Variants in ARHGAP45 observed in about 807,000 individuals in gnomAD.
The protein encoded by ARHGAP45 is rho GTPase-activating protein 45.
Under a neutral mutation model 116.1 loss-of-function variants are expected in ARHGAP45, and 56 were observed. The observed-to-expected ratio is 0.48, with a 90% CI of 0.39 to 0.60. The LOEUF (loss-of-function observed/expected upper bound fraction) is 0.60. ARHGAP45 is among the 20% of genes least tolerant of loss of function. The probability of loss-of-function intolerance (pLI) is 0.00; values close to 1 mark genes in which losing one functional copy is unlikely to be tolerated. For synonymous variants in ARHGAP45, 866 were observed against 701.7 expected (o/e 1.23, Z -3.70); for missense variants, 1,622 against 1,601.0 (o/e 1.01, Z -0.22).
chr19:1,073,447 G>A, intron 3 of ARHGAP45, 59 bp from the exon 4 acceptor site: 2 of 1,583,310 alleles, frequency 1.3e-6, no homozygotes, highest in Non-Finnish European at 1.7e-6. Flanking sequence ...GTCAGTTCTT[G>A]CAGGGATGGT....
At chr19:1,067,152 C>T (rs2144998420), upstream of ARHGAP45, 3 of 1,206,534 alleles carry the variant, frequency 2.5e-6, no homozygotes, top group African/African-American at 1.6e-5. Flanking sequence ...GGCCTGCGAC[C>T]TCACCTTCGC....
Position 1,069,390 on chromosome 19 carries a change from G to A in ARHGAP45, c.421+646G>A, listed in dbSNP as rs1599749595. Reference sequence around the variant, plus strand: ...TTCCTGTTTGTCCCTGGCAGCCCAGGCGGGCACCTCATGTGCTGCCTTCAG... The same window carrying A: ...TTCCTGTTTGTCCCTGGCAGCCCAGACGGGCACCTCATGTGCTGCCTTCAG... On this transcript the variant is annotated intron_variant, in intron 2 of 22. Coordinates refer to ENST00000313093, the MANE Select transcript of ARHGAP45 (RefSeq NM_012292.5). This position sits in a 1 kb window ranked among gnomAD's most constrained non-coding sequence, Gnocchi z 4.1. 6.6e-6 allele frequency among the ~76,000 whole-genome samples: 1 copy of A among 152,210 alleles called. No homozygotes were observed.
rs1016271914 is a variant in ARHGAP45, at chr19:1,067,269, G to C, written c.-137G>C. 13 of 1,396,682 alleles carry C rather than the reference G, an allele frequency of 9.3e-6. No individual in the cohort carries two copies. The African/African-American group carries it at 1.2e-4, about 13-fold the overall frequency. The allele number at this position is 1,396,682 out of a possible 1,614,324, so 86.5% of individuals were successfully genotyped here. On this transcript the variant is annotated 5_prime_UTR_variant, in exon 1 of 23. Transcript: ENST00000313093. Reference sequence around the variant, plus strand: ...GTTGGGGGGAGGGCCCGCCAGTGACGGCCGGGCCTGTCACGTGGGCCTGAC... The same window carrying C: ...GTTGGGGGGAGGGCCCGCCAGTGACCGCCGGGCCTGTCACGTGGGCCTGAC...
intron 22 of ARHGAP45, 137 bp downstream of exon 22, chr19:1,084,483 GACC>G (rs1599775995): frequency 1.6e-6 from 1 of 640,520 alleles, no homozygotes; most frequent in Admixed American, 3.1e-5. Flanking sequence ...CTGCCACGGA[GACC>G]ACACCTATGA....
chr19:1,076,325 A>T (rs2043246959), intron 10 of ARHGAP45, among the ~76,000 whole-genome samples: 2 of 151,932 alleles, frequency 1.3e-5, no homozygotes, highest in Admixed American at 1.3e-4. Flanking sequence ...GTGGCTTATC[A>T]TTGATTTGTC....
rs768803141 is a variant in ARHGAP45, at chr19:1,068,397, C to A, written c.91-17C>A. The A allele has an allele frequency of 2.4e-5, 36 of 1,520,654 alleles. No homozygotes were observed. In the Middle Eastern group the frequency reaches 1.0e-3, roughly 43 times the overall value. 94.2% of individuals were successfully genotyped at this position (1,520,654 alleles called of 1,614,324 possible). Reference sequence around the variant, plus strand: ...CCGGAAAATCCCTTTAACGAGCTCCCCTCGGACCTGCCCAAGGAGCTGCCC... The same window carrying A: ...CCGGAAAATCCCTTTAACGAGCTCCACTCGGACCTGCCCAAGGAGCTGCCC... On this transcript the variant is annotated splice_polypyrimidine_tract_variant and intron_variant, in intron 1 of 22. Coordinates refer to ENST00000313093, the MANE Select transcript of ARHGAP45 (RefSeq NM_012292.5). The surrounding 1 kb of genome is among the most constrained non-coding windows in gnomAD (Gnocchi z 7.5).
chr19:1,083,073 C>G lies in ARHGAP45; in HGVS notation c.2744+7C>G. The G allele has an allele frequency of 1.3e-6, 2 of 1,554,092 alleles. No individual in the cohort carries two copies. The highest frequency in any genetic ancestry group is 1.2e-5 in the South Asian group (1 of 85,722). On this transcript the variant is annotated splice_region_variant and intron_variant, in intron 20 of 22. Transcript: ENST00000313093. Reference sequence around the variant, plus strand: ...TGCTGCGTCACCTACGCAGGTGAGTCCCGGCATATGGAGTGGAGGGCGCGG... The same window carrying G: ...TGCTGCGTCACCTACGCAGGTGAGTGCCGGCATATGGAGTGGAGGGCGCGG...
Position 1,071,174 on chromosome 19 carries a change from C to T in ARHGAP45, c.422-1975C>T. The T allele has an allele frequency of 7.5e-7, 1 of 1,339,112 alleles. No homozygotes were observed. Among genetic ancestry groups the T allele is most frequent in the Non-Finnish European group, 9.6e-7 (1 of 1,046,696 alleles). 83.0% of individuals were successfully genotyped at this position (1,339,112 alleles called of 1,614,324 possible). ...GAACGGGACCCCAGGGCGGGGTTTC[C>T]CTCGCGGGGGCGGGGCCTCCTGACC... On this transcript the variant is annotated intron_variant, in intron 2 of 22. Coordinates refer to ENST00000313093, the MANE Select transcript of ARHGAP45 (RefSeq NM_012292.5). The surrounding 1 kb of genome is among the most constrained non-coding windows in gnomAD (Gnocchi z 4.6).
chr19:1,077,730 G>A (rs540920202), intron 10 of ARHGAP45, 127 bp from the exon 11 acceptor site: 1 of 1,524,232 alleles, frequency 6.6e-7, no homozygotes, highest in Non-Finnish European at 8.9e-7. Flanking sequence ...AGGGTCCTCT[G>A]CATGCCCAGC....
Position 1,086,100 on chromosome 19 carries a change from C to G in ARHGAP45, c.*94C>G. 1 of 1,179,990 alleles carries G rather than the reference C, an allele frequency of 8.5e-7. No homozygotes were observed. Among genetic ancestry groups the G allele is most frequent in the East Asian group, 2.4e-5 (1 of 41,780 alleles). The allele number at this position is 1,179,990 out of a possible 1,614,324, so 73.1% of individuals were successfully genotyped here. A position where few individuals can be genotyped will look rare whatever the true frequency, so the allele number is the denominator to read the frequency against. On this transcript the variant is annotated 3_prime_UTR_variant, in exon 23 of 23. Coordinates refer to ENST00000313093, the MANE Select transcript of ARHGAP45 (RefSeq NM_012292.5). ...GCACCACGGCATAGCTTAGGTGCGC[C>G]GTCCTGGGGTCGCTGCCGAGAGCGC... is the stretch of plus-strand genomic sequence containing the variant.
At chr19:1,072,204 G>A (rs1188241691) in intron 2 of ARHGAP45, among the ~76,000 whole-genome samples, 3 of 152,068 alleles carry the variant, frequency 2.0e-5, no homozygotes, top group African/African-American at 7.2e-5. Flanking sequence ...CGGCATTACA[G>A]AGGAGTGCCA....
rs1381392592 is a variant in ARHGAP45, at chr19:1,086,107, G to C, written c.*101G>C. On this transcript the variant is annotated 3_prime_UTR_variant, in exon 23 of 23. Coordinates refer to ENST00000313093, the MANE Select transcript of ARHGAP45 (RefSeq NM_012292.5). The stretch of plus-strand genomic sequence containing the variant: ...GGCATAGCTTAGGTGCGCCGTCCTG[G>C]GGTCGCTGCCGAGAGCGCCTGGACT... The C allele has an allele frequency of 5.3e-6, 6 of 1,137,032 alleles. No homozygotes were observed. Among genetic ancestry groups the C allele is most frequent in the Non-Finnish European group, 7.5e-6 (6 of 801,978 alleles). 70.4% of individuals were successfully genotyped at this position (1,137,032 alleles called of 1,614,324 possible). A position where few individuals can be genotyped will look rare whatever the true frequency, so the allele number is the denominator to read the frequency against.
chr19:1,080,953 C>G lies in ARHGAP45; in HGVS notation c.2079C>G (p.His693Gln), dbSNP rs149442520. The G allele has an allele frequency of 5.6e-6, 9 of 1,609,266 alleles. No individual in the cohort carries two copies. The African/African-American group carries it at 8.0e-5, about 14-fold the overall frequency. The change falls in exon 17 of 23, where the codon CAC (histidine) becomes CAG (glutamine). Residue 693 changes from histidine to glutamine, a missense_variant. Physicochemically the swap from His to Gln is conservative, Grantham distance 24. Around this residue, in one of 3 missense-constraint regions of ARHGAP45, gnomAD observed 1,334 missense variants for 1,263.8 expected, o/e 1.06. Coordinates refer to ENST00000313093, the MANE Select transcript of ARHGAP45 (RefSeq NM_012292.5). Reference sequence around the variant, plus strand: ...CCGTGCCCAGTGGACCGTTCCGCCACGAGGGGCTGTCCAAGGCGGCCCGTA... The same window carrying G: ...CCGTGCCCAGTGGACCGTTCCGCCAGGAGGGGCTGTCCAAGGCGGCCCGTA... ...PVAVPSGPFRHEGLSKAARTH... is the reference protein window; with the variant it reads ...PVAVPSGPFRQEGLSKAARTH...
chr19:1,081,999 G>C, intron 19 of ARHGAP45, 38 bp downstream of exon 19: 1 of 1,598,366 alleles, frequency 6.3e-7, no homozygotes, highest in Non-Finnish European at 8.5e-7. Context: ...GAGCCTGGAA[G>C]GGGCGTAGCC....
chr19:1,085,851 G>A lies in ARHGAP45; in HGVS notation c.3256G>A (p.Gly1086Arg), dbSNP rs768695701. Residue 1086 changes from glycine (G) to arginine (R), a missense_variant, in exon 23 of 23, where the codon GGG becomes AGG. Physicochemically the swap from Gly to Arg is moderately radical, Grantham distance 125 (BLOSUM62 -2). This residue lies in a region of ARHGAP45 where 1,334 missense variants were observed against 1,263.8 expected (regional missense o/e 1.06). Coordinates refer to ENST00000313093, the MANE Select transcript of ARHGAP45 (RefSeq NM_012292.5). Reference sequence around the variant, plus strand: ...GCTGGAGGCCACAGCCCGGGAGGACGGGGACGGGGACGAGGACGGCCCGGC... The same window carrying A: ...GCTGGAGGCCACAGCCCGGGAGGACAGGGACGGGGACGAGGACGGCCCGGC... ...EQLEATARED[G>R]DGDEDGPAQQ... 3.7e-5 allele frequency: 60 copies of A among 1,611,954 alleles called. No individual in the cohort carries two copies. The highest frequency in any genetic ancestry group is 3.3e-4 in the Middle Eastern group (2 of 6,076).
rs149799455 is a variant in ARHGAP45, at chr19:1,085,862, C to T, written c.3267C>T (p.Asp1089=). Residue 1089 remains aspartate, a synonymous_variant, in exon 23 of 23, where the codon GAC becomes GAT. Transcript: ENST00000313093. ...EATAREDGDG[D]EDGPAQQLSG... is the part of the protein sequence containing the mutation. ...CAGCCCGGGAGGACGGGGACGGGGA[C>T]GAGGACGGCCCGGCCCAGCAGCTCT... The T allele has an allele frequency of 4.9e-5, 79 of 1,612,518 alleles. No homozygotes were observed. Among genetic ancestry groups the T allele is most frequent in the South Asian group, 7.7e-5 (7 of 91,084 alleles).
chr19:1,073,424 G>C, intron 3 of ARHGAP45, 82 bp from the exon 4 acceptor site: 2 of 1,568,050 alleles, frequency 1.3e-6, no homozygotes, highest in Non-Finnish European at 1.7e-6. Context: ...TTCCCCCTGG[G>C]TTAAGGGCTC....
Position 1,084,293 on chromosome 19 carries a change from C to A in ARHGAP45, c.3011C>A (p.Ala1004Glu). ...GTCGTCCAGGTGCCGTACCTGGAGG[C>A]GGGCGAGGCGGTGGTCTACCCGCTG... is the stretch of plus-strand genomic sequence containing the variant. ...EVVVQVPYLE[A>E]GEAVVYPLQE... Residue 1004 changes from alanine to glutamate, a missense_variant, in exon 22 of 23, where the codon GCG becomes GAG. By Grantham distance (107) the Ala-to-Glu change is moderately radical. Around this residue, in one of 3 missense-constraint regions of ARHGAP45, gnomAD observed 1,334 missense variants for 1,263.8 expected, o/e 1.06. Transcript: ENST00000313093. The A allele has an allele frequency of 6.2e-7, 1 of 1,612,568 alleles. No homozygotes were observed.
At chr19:1,082,029 G>A in intron 19 of ARHGAP45, 68 bp downstream of exon 19, 1 of 1,550,454 alleles carries the variant, frequency 6.4e-7, no homozygotes, top group Non-Finnish European at 8.7e-7. Flanking sequence ...GAGGCGGGGT[G>A]GGGGTCCGGG....
Sources: allele counts gnomAD v4.1 joint callset (sites outside exome capture counted in the v4.1 genomes callset), GRCh38; gene constraint gnomAD v4.1.1; regional missense constraint gnomAD v4.1.1; non-coding constraint Gnocchi (gnomAD v3.1); transcripts MANE v1.5; gene names NCBI Gene and HGNC (gene_info 2026-07-23, HGNC 2026-07-21).